Variants in MAGI2 observed in about 807,000 individuals in gnomAD.
MAGI2 encodes the protein membrane-associated guanylate kinase, WW and PDZ domain-containing protein 2.
Under a neutral mutation model 133.3 loss-of-function variants are expected in MAGI2, and 35 were observed. That is an observed-to-expected ratio of 0.26 (90% CI 0.20 to 0.35). The LOEUF (loss-of-function observed/expected upper bound fraction) is 0.35, where lower values mean the gene tolerates loss of function less well. Among genes scored for constraint, MAGI2 ranks in the 10% least tolerant of loss-of-function variants. The probability of loss-of-function intolerance (pLI) is 1.00; values close to 1 mark genes in which losing one functional copy is unlikely to be tolerated. For missense variants in MAGI2, 1,636 were observed against 1,863.4 expected, an observed-to-expected ratio of 0.88 and a Z score of 2.25; for synonymous variants, 729 against 710.6, an observed-to-expected ratio of 1.03 and a Z score of -0.41.
intron 2 of MAGI2, among the ~76,000 whole-genome samples, chr7:78,659,213 G>C (rs1321292539): frequency 6.6e-6 from 1 of 151,804 alleles, no homozygotes; most frequent in Non-Finnish European, 1.5e-5. Flanking sequence ...CACTTTGGGA[G>C]GCCGAGGCAG....
At chr7:79,228,097 C>T (rs778665981) in intron 1 of MAGI2, among the ~76,000 whole-genome samples, 8 of 151,798 alleles carry the variant, frequency 5.3e-5, no homozygotes, top group Non-Finnish European at 7.4e-5. Flanking sequence ...GTAATTGCAG[C>T]TACTTGAGAT....
At chr7:78,048,879 C>T (rs149461547) in intron 21 of MAGI2, among the ~76,000 whole-genome samples, 17 of 152,008 alleles carry the variant, frequency 1.1e-4, no homozygotes, top group African/African-American at 4.1e-4. Context: ...GAGGCTGAGG[C>T]GGGTGGATCA....
rs765886740 is a variant in MAGI2 at position 79,419,291 on chromosome 7, C to T, written c.301+33729G>A. Among the ~76,000 whole-genome samples, 5 of 151,706 alleles carry T rather than the reference C, an allele frequency of 3.3e-5. No individual in the cohort carries two copies. In the East Asian group the frequency reaches 7.7e-4, roughly 24 times the overall value. ...ATCACTATCACACTTAACCAACAAC[C>T]GATATGAAAGCTGTGGTTGCTGCCA... is the stretch of plus-strand genomic sequence containing the variant. On this transcript the variant is annotated intron_variant, in intron 1 of 21. Coordinates refer to ENST00000354212, the MANE Select transcript of MAGI2 (RefSeq NM_012301.4).
chr7:78,315,980 A>G (rs1049424440), intron 9 of MAGI2, among the ~76,000 whole-genome samples: 2 of 152,112 alleles, frequency 1.3e-5, no homozygotes, highest in Non-Finnish European at 2.9e-5. Flanking sequence ...TTCATGATGG[A>G]AGATTTGCCA....
At chr7:78,103,415 ATCCT>A (rs1818376092) in intron 20 of MAGI2, among the ~76,000 whole-genome samples, 1 of 152,220 alleles carries the variant, frequency 6.6e-6, no homozygotes, top group Non-Finnish European at 1.5e-5. Flanking sequence ...ATAATTAATG[ATCCT>A]TCCGACACTT....
At chr7:79,064,351 T>C (rs555986627) in intron 1 of MAGI2, among the ~76,000 whole-genome samples, 1 of 152,008 alleles carries the variant, frequency 6.6e-6, no homozygotes, top group Admixed American at 6.6e-5. Flanking sequence ...CTTCCCAGTA[T>C]AGAGAGGAGA....
chr7:79,134,117 T>C (rs1821172594), intron 1 of MAGI2, among the ~76,000 whole-genome samples: 1 of 152,186 alleles, frequency 6.6e-6, no homozygotes. Context: ...AAAATCTTAG[T>C]CTATTAAGAT....
At chr7:78,191,752 C>T (rs1348316754) in intron 12 of MAGI2, among the ~76,000 whole-genome samples, 1 of 152,192 alleles carries the variant, frequency 6.6e-6, no homozygotes. Context: ...ACAGCATGTA[C>T]CTGTCATGTT....
chr7:79,391,951 T>C lies in MAGI2; in HGVS notation c.301+61069A>G, dbSNP rs577773788. Among the ~76,000 whole-genome samples the C allele has an allele frequency of 3.3e-5, 5 of 152,180 alleles. No individual in the cohort carries two copies. In the East Asian group the frequency reaches 7.8e-4, roughly 24 times the overall value. On this transcript the variant is annotated intron_variant, in intron 1 of 21. Transcript: ENST00000354212. ...TGCCCGCCTTGGCCTCCTAACGTCA[T>C]CTAGGTTTTAAGCCCTGCATGCATT...
Position 78,934,472 on chromosome 7 carries a change from A to G in MAGI2, c.418+72618T>C, listed in dbSNP as rs868843007. On this transcript the variant is annotated intron_variant, in intron 2 of 21. Coordinates refer to ENST00000354212, the MANE Select transcript of MAGI2 (RefSeq NM_012301.4). ...ACTGTAAGTACTTATGTGTGAATAA[A>G]TGTAAGAAAATGATTGCTTATCATT... is the stretch of plus-strand genomic sequence containing the variant. Among the ~76,000 whole-genome samples the G allele has an allele frequency of 2.4e-4, 37 of 152,264 alleles. 2 individuals are homozygous for G. The highest frequency in any genetic ancestry group is 3.4e-3 in the Middle Eastern group (1 of 292).
At chr7:79,361,569 T>C (rs848906) in intron 1 of MAGI2, among the ~76,000 whole-genome samples, 76,421 of 151,990 alleles carry the variant, frequency 0.5, 20,735 homozygotes, top group African/African-American at 0.71. Context: ...GGAACATATC[T>C]ATGGAGGAAG....
intron 1 of MAGI2, among the ~76,000 whole-genome samples, chr7:79,163,514 G>C (rs1357028707): frequency 6.6e-6 from 1 of 152,058 alleles, no homozygotes; most frequent in Non-Finnish European, 1.5e-5. Flanking sequence ...GTGTTTCTTG[G>C]ATTTGATTTA....
intron 3 of MAGI2, among the ~76,000 whole-genome samples, chr7:78,568,567 T>G (rs1018196429): frequency 6.6e-6 from 1 of 152,188 alleles, no homozygotes; most frequent in Non-Finnish European, 1.5e-5. Flanking sequence ...TATTAGTAAT[T>G]CTGTCATTGT....
chr7:78,559,811 AATTC>A (rs1180953622), intron 3 of MAGI2, among the ~76,000 whole-genome samples: 4 of 152,198 alleles, frequency 2.6e-5, no homozygotes, highest in African/African-American at 7.2e-5. Flanking sequence ...TGATATGGAT[AATTC>A]ATTCAAGTTT....
intron 21 of MAGI2, among the ~76,000 whole-genome samples, chr7:78,027,543 G>A (rs1008522950): frequency 1.3e-5 from 2 of 150,746 alleles, no homozygotes; most frequent in South Asian, 2.1e-4. Flanking sequence ...CATGAGAATC[G>A]CTTGAACCTG....
intron 21 of MAGI2, among the ~76,000 whole-genome samples, chr7:78,064,680 T>A (rs1481283139): frequency 2.0e-5 from 3 of 152,128 alleles, no homozygotes; most frequent in Non-Finnish European, 4.4e-5. Flanking sequence ...TGAGTACAGT[T>A]TCTGCTAAAA....
intron 6 of MAGI2, among the ~76,000 whole-genome samples, chr7:78,379,781 C>T (rs757047681): frequency 4.6e-5 from 7 of 151,944 alleles, no homozygotes; most frequent in Non-Finnish European, 1.0e-4. Context: ...ATGGAACACT[C>T]GCCAAAATTG....
intron 2 of MAGI2, among the ~76,000 whole-genome samples, chr7:79,000,729 ATTAGAAACTTTACAG>A (rs1331413411): frequency 2.0e-5 from 3 of 152,238 alleles, no homozygotes; most frequent in Admixed American, 2.0e-4. Context: ...TTAAAGATAT[ATTAGAAACTTTACAG>A]TTTTACCCTT....
intron 18 of MAGI2, among the ~76,000 whole-genome samples, chr7:78,128,537 C>A (rs1394062113): frequency 6.6e-6 from 1 of 151,392 alleles, no homozygotes; most frequent in Non-Finnish European, 1.5e-5. Flanking sequence ...CTAGTGCAAA[C>A]CAGTAGAATT....
Sources: gnomAD v4.1 joint callset for allele counts (sites outside exome capture counted in the v4.1 genomes callset) on GRCh38, gnomAD v4.1.1 for gene constraint, MANE v1.5 for transcripts, NCBI Gene and HGNC (gene_info 2026-07-23, HGNC 2026-07-21) for gene names.